Variants in IGF1R observed in about 807,000 individuals in gnomAD.
IGF1R encodes the protein insulin like growth factor 1 receptor, also known as insulin-like growth factor 1 receptor.
A neutral mutation model predicts 144.6 loss-of-function variants in IGF1R; 44 were observed. The observed-to-expected ratio is 0.30, with a 90% CI of 0.24 to 0.39. The LOEUF (loss-of-function observed/expected upper bound fraction) is 0.39. Among genes scored for constraint, IGF1R ranks in the 10% least tolerant of loss-of-function variants. The probability of loss-of-function intolerance (pLI) is 1.00; values close to 1 mark genes in which losing one functional copy is unlikely to be tolerated. For synonymous variants in IGF1R, 795 were observed against 722.8 expected (o/e 1.10, Z -1.60); for missense variants, 1,355 against 1,833.7 (o/e 0.74, Z 4.77).
intron 2 of IGF1R, among the ~76,000 whole-genome samples, chr15:98,722,027 G>T (rs1475947665): frequency 6.6e-6 from 1 of 152,148 alleles, no homozygotes; most frequent in South Asian, 2.1e-4. Flanking sequence ...CCTAGGTTAG[G>T]TCTGGATGTG....
intron 2 of IGF1R, among the ~76,000 whole-genome samples, chr15:98,768,858 G>A (rs1242269214): frequency 1.3e-5 from 2 of 150,354 alleles, no homozygotes; most frequent in Non-Finnish European, 3.0e-5. Context: ...AGCCCAGGAG[G>A]CGGAGGTTGC....
intron 2 of IGF1R, among the ~76,000 whole-genome samples, chr15:98,856,309 C>T (rs1007908379): frequency 3.3e-5 from 5 of 152,220 alleles, no homozygotes; most frequent in Middle Eastern, 3.2e-3. Context: ...TGACGGGCAT[C>T]GTCCATAGTC....
chr15:98,795,800 C>A (rs1183880648), intron 2 of IGF1R, among the ~76,000 whole-genome samples: 3 of 152,180 alleles, frequency 2.0e-5, no homozygotes, highest in African/African-American at 7.2e-5. Flanking sequence ...GCACCACATG[C>A]GACATGCCAT....
Position 98,962,477 on chromosome 15 carries a change from A to G in IGF1R, c.*5035A>G, listed in dbSNP as rs750597183. 3.4e-5 allele frequency: 8 copies of G among 233,654 alleles called. No homozygotes were observed. Among genetic ancestry groups the G allele is most frequent in the East Asian group, 6.0e-5 (1 of 16,610 alleles). 14.5% of individuals were successfully genotyped at this position (233,654 alleles called of 1,614,324 possible). A position where few individuals can be genotyped will look rare whatever the true frequency, so the allele number is the denominator to read the frequency against. On this transcript the variant is annotated 3_prime_UTR_variant, in exon 21 of 21. Coordinates refer to ENST00000650285, the MANE Select transcript of IGF1R (RefSeq NM_000875.5). Reference sequence around the variant, plus strand: ...AGCTGGTGGTACAAATGAGAACTTCAAGAGAGGATGTTATTTAGACTGAAC... The same window carrying G: ...AGCTGGTGGTACAAATGAGAACTTCGAGAGAGGATGTTATTTAGACTGAAC...
chr15:98,877,357 G>A (rs1419032950), intron 2 of IGF1R, among the ~76,000 whole-genome samples: 3 of 152,078 alleles, frequency 2.0e-5, no homozygotes, highest in South Asian at 2.1e-4. Context: ...AGAAGTTAAC[G>A]CCACAGGTAA....
At chr15:98,681,215 G>A (rs1157859146) in intron 1 of IGF1R, among the ~76,000 whole-genome samples, 1 of 152,146 alleles carries the variant, frequency 6.6e-6, no homozygotes, top group Non-Finnish European at 1.5e-5. Flanking sequence ...GTCTTTACAA[G>A]TCTGCTTTGC....
intron 2 of IGF1R, among the ~76,000 whole-genome samples, chr15:98,802,454 A>G (rs1384135132): frequency 6.6e-6 from 1 of 152,144 alleles, no homozygotes; most frequent in East Asian, 1.9e-4. Flanking sequence ...AGGTCATTGA[A>G]CCCTACAGTC....
intron 2 of IGF1R, among the ~76,000 whole-genome samples, chr15:98,878,227 T>C (rs2013161563): frequency 6.6e-6 from 1 of 152,086 alleles, no homozygotes; most frequent in Non-Finnish European, 1.5e-5. Flanking sequence ...GTCAAAACAG[T>C]CCCCAGTTTG....
rs1297634189 is a variant in IGF1R, at chr15:98,963,115, CAGAAT to C, written c.*5675_*5679del. ...ATGTTTCATTGCATTTTTGTAAGAA[CAGAAT>C]AATTTTATAAAATGTTTGTAGTTTA... On this transcript the variant is annotated 3_prime_UTR_variant, in exon 21 of 21. Transcript: ENST00000650285. 5.6e-5 allele frequency: 13 copies of C among 232,346 alleles called. No individual in the cohort carries two copies. In the East Asian group the frequency reaches 7.9e-4, roughly 14 times the overall value. 14.4% of individuals were successfully genotyped at this position (232,346 alleles called of 1,614,324 possible). A position where few individuals can be genotyped will look rare whatever the true frequency, so the allele number is the denominator to read the frequency against.
At chr15:98,934,115 CTT>C (rs5814913) in intron 15 of IGF1R, among the ~76,000 whole-genome samples, 2,397 of 137,466 alleles carry the variant, frequency 0.017, 55 homozygotes, top group African/African-American at 0.057. Context: ...AAATATTTCA[CTT>C]TTTTTTTTTT....
At chr15:98,714,404 G>A (rs1187407491) in intron 2 of IGF1R, among the ~76,000 whole-genome samples, 2 of 152,222 alleles carry the variant, frequency 1.3e-5, no homozygotes, top group Admixed American at 6.5e-5. Flanking sequence ...AGCATTTGGG[G>A]AGGCTGAGGC....
In IGF1R at chr15:98,962,160, A is replaced by G. The variant is rs1458644450; in HGVS notation, c.*4718A>G. 1 of 233,198 alleles carries G rather than the reference A, an allele frequency of 4.3e-6. No homozygotes were observed. The highest frequency in any genetic ancestry group is 8.5e-6 in the Non-Finnish European group (1 of 118,078). The allele number at this position is 233,198 out of a possible 1,614,324, so 14.4% of individuals were successfully genotyped here. A position where few individuals can be genotyped will look rare whatever the true frequency, so the allele number is the denominator to read the frequency against. On this transcript the variant is annotated 3_prime_UTR_variant, in exon 21 of 21. Coordinates refer to ENST00000650285, the MANE Select transcript of IGF1R (RefSeq NM_000875.5). ...GGTGAGAAGGCTAGGATGCTTGTCT[A>G]GTGTTCTTAGCTGTCACGTTGGCTC...
chr15:98,691,728 C>T (rs566778410), intron 1 of IGF1R, among the ~76,000 whole-genome samples: 15 of 152,214 alleles, frequency 9.9e-5, no homozygotes, highest in African/African-American at 3.6e-4. Context: ...AGCTGAAATG[C>T]CCTCCCTTCA....
chr15:98,957,576 C>T lies in IGF1R; in HGVS notation c.*134C>T, dbSNP rs55945252. ...GATCTTCAGAACTGCCCTTGCTGCC[C>T]GCGGGAGACAGCTTCTCTGCAGTAA... On this transcript the variant is annotated 3_prime_UTR_variant, in exon 21 of 21. Transcript: ENST00000650285. 15,653 of 1,105,358 alleles carry T rather than the reference C, an allele frequency of 0.014. 139 individuals are homozygous for T. The highest frequency in any genetic ancestry group is 0.017 in the Non-Finnish European group (12,549 of 748,268). 68.5% of individuals were successfully genotyped at this position (1,105,358 alleles called of 1,614,324 possible). A position where few individuals can be genotyped will look rare whatever the true frequency, so the allele number is the denominator to read the frequency against.
At chr15:98,746,289 C>T (rs995217183) in intron 2 of IGF1R, among the ~76,000 whole-genome samples, 2 of 152,152 alleles carry the variant, frequency 1.3e-5, no homozygotes, top group Non-Finnish European at 2.9e-5. Flanking sequence ...CCTCAGTGTA[C>T]ATCTTTGTAT....
rs1176363698 is a variant in IGF1R, at chr15:98,943,071, C to T, written c.3587+19C>T. 2 of 1,613,890 alleles carry T rather than the reference C, an allele frequency of 1.2e-6. No homozygotes were observed. Among genetic ancestry groups the T allele is most frequent in the East Asian group, 2.2e-5 (1 of 44,896 alleles). ...ACGTCTGGTATGAGAACCTTTACTGCATTGCCAGCCTGGAGCCCCCAGCCT... is the reference window on the plus strand; with the variant it reads ...ACGTCTGGTATGAGAACCTTTACTGTATTGCCAGCCTGGAGCCCCCAGCCT... On this transcript the variant is annotated intron_variant, in intron 19 of 20. Transcript: ENST00000650285.
intron 1 of IGF1R, among the ~76,000 whole-genome samples, chr15:98,702,038 T>TTG (rs950824980): frequency 6.7e-6 from 1 of 148,278 alleles, no homozygotes; most frequent in Admixed American, 6.7e-5. Context: ...ACGCTGTTTT[T>TTG]TTTTTTTTTT....
intron 2 of IGF1R, among the ~76,000 whole-genome samples, chr15:98,777,917 G>A (rs919295833): frequency 6.6e-6 from 1 of 152,236 alleles, no homozygotes; most frequent in East Asian, 1.9e-4. Flanking sequence ...TAGTAGGGAA[G>A]TAGGGGAGAA....
At chr15:98,943,158 GC>G in intron 19 of IGF1R, 106 bp downstream of exon 19, 1 of 1,296,846 alleles carries the variant, frequency 7.7e-7, no homozygotes, top group Non-Finnish European at 1.1e-6. Flanking sequence ...GTTACCCGTT[GC>G]CAGCTTTAGC....
Sources: gnomAD v4.1 joint callset for allele counts (sites outside exome capture counted in the v4.1 genomes callset) on GRCh38, gnomAD v4.1.1 for gene constraint, MANE v1.5 for transcripts, NCBI Gene and HGNC (gene_info 2026-07-23, HGNC 2026-07-21) for gene names.